The following C6 variants were observed in gnomAD, a reference collection of about 807,000 sequenced individuals.
The protein encoded by C6 is complement component C6.
In C6, 101 loss-of-function variants were observed where a neutral mutation model predicts 112.9. That is an observed-to-expected ratio of 0.89 (90% CI 0.76 to 1.06). The LOEUF is 1.06. Among genes scored for constraint, C6 ranks in the 50% least tolerant of loss-of-function variants. C6 has a pLI of 0.00. For synonymous variants in C6, 431 were observed against 384.1 expected (o/e 1.12, Z -1.43); for missense variants, 1,202 against 1,104.6 (o/e 1.09, Z -1.25).
chr5:41,195,370 A>G (rs554876033), intron 5 of C6, among the ~76,000 whole-genome samples: 1 of 152,146 alleles, frequency 6.6e-6, no homozygotes, highest in Admixed American at 6.6e-5. Context: ...CCATAGGCAT[A>G]CTTTTATCAC....
intron 1 of C6, among the ~76,000 whole-genome samples, chr5:41,242,183 A>G (rs962398943): frequency 1.3e-5 from 2 of 152,144 alleles, no homozygotes; most frequent in Non-Finnish European, 2.9e-5. Context: ...AATTGTAATC[A>G]CCATAATCCC....
intron 17 of C6, among the ~76,000 whole-genome samples, chr5:41,148,176 T>G (rs1161680119): frequency 1.3e-5 from 2 of 152,192 alleles, no homozygotes; most frequent in African/African-American, 4.8e-5. Flanking sequence ...GCACTATTTA[T>G]GATAGCAAAA....
chr5:41,167,395 C>T lies in C6; in HGVS notation c.1291+4830G>A, dbSNP rs1748074028. ...AAAAAATGTATACAACAGCCATTTT[C>T]CTTCTCAAAAGTAGGAAAGATTTTG... On this transcript the variant is annotated intron_variant, in intron 9 of 17. Coordinates refer to ENST00000337836, the MANE Select transcript of C6 (RefSeq NM_000065.5). 3.3e-5 allele frequency among the ~76,000 whole-genome samples: 5 copies of T among 152,036 alleles called. No homozygotes were observed. In the South Asian group the frequency reaches 8.3e-4, roughly 25 times the overall value.
rs1749735632 is a variant in C6 at position 41,186,010 on chromosome 5, A to C, written c.726+60T>G. The C allele has an allele frequency of 1.9e-6, 3 of 1,599,110 alleles. No homozygotes were observed. The African/African-American group carries it at 4.0e-5, about 21-fold the overall frequency. ...CTTCATTCATCACTAATTTTGCATG[A>C]GAAATTTAGCTTATAATCACTGACG... is the stretch of plus-strand genomic sequence containing the variant. On this transcript the variant is annotated intron_variant, in intron 6 of 17. Coordinates refer to ENST00000337836, the MANE Select transcript of C6 (RefSeq NM_000065.5).
At chr5:41,209,651 A>C (rs1324373958) in intron 1 of C6, among the ~76,000 whole-genome samples, 3 of 152,156 alleles carry the variant, frequency 2.0e-5, no homozygotes, top group African/African-American at 7.2e-5. Flanking sequence ...TAGGAATCCA[A>C]CTTACAAGGG....
At chr5:41,247,532 A>G (rs1026430295) in intron 1 of C6, among the ~76,000 whole-genome samples, 1 of 152,110 alleles carries the variant, frequency 6.6e-6, no homozygotes, top group Non-Finnish European at 1.5e-5. Context: ...CCTGGCTGAC[A>G]TGGTGAAACC....
intron 1 of C6, among the ~76,000 whole-genome samples, chr5:41,226,589 A>G (rs1432144936): frequency 6.6e-6 from 1 of 152,118 alleles, no homozygotes; most frequent in Non-Finnish European, 1.5e-5. Flanking sequence ...TGTCTCATGA[A>G]CAACATCTCC....
intron 1 of C6, among the ~76,000 whole-genome samples, chr5:41,229,491 C>A (rs182993046): frequency 6.6e-6 from 1 of 151,908 alleles, no homozygotes; most frequent in Admixed American, 6.6e-5. Context: ...TTCAAATTTT[C>A]CTCCTGTTAT....
intron 1 of C6, among the ~76,000 whole-genome samples, chr5:41,219,814 T>G (rs1739052964): frequency 6.6e-6 from 1 of 152,108 alleles, no homozygotes; most frequent in South Asian, 2.1e-4. Flanking sequence ...AAATATCAAT[T>G]TTTAAAAGTT....
intron 1 of C6, among the ~76,000 whole-genome samples, chr5:41,256,431 AAAAAAAAAAAGT>A: frequency 8.6e-6 from 1 of 116,252 alleles, no homozygotes; most frequent in Non-Finnish European, 1.7e-5. Flanking sequence ...AGTATAATTA[AAAAAAAAAAAGT>A]AAAAAAAAAA....
At chr5:41,150,323 A>G (rs1385050708) in intron 15 of C6, among the ~76,000 whole-genome samples, 1 of 152,190 alleles carries the variant, frequency 6.6e-6, no homozygotes, top group African/African-American at 2.4e-5. Flanking sequence ...AGTATACATG[A>G]TATTCTCATC....
chr5:41,189,919 T>C (rs1457313196), intron 5 of C6, among the ~76,000 whole-genome samples: 2 of 152,180 alleles, frequency 1.3e-5, no homozygotes, highest in East Asian at 1.9e-4. Flanking sequence ...GGATCATCCA[T>C]GTTTCTCCAG....
At chr5:41,175,247 A>T (rs1435584043) in intron 8 of C6, among the ~76,000 whole-genome samples, 1 of 152,208 alleles carries the variant, frequency 6.6e-6, no homozygotes, top group Non-Finnish European at 1.5e-5. Context: ...GAAGTGACAG[A>T]TGTCACAGCT....
chr5:41,157,021 G>T (rs977815379), intron 13 of C6, among the ~76,000 whole-genome samples: 38 of 152,070 alleles, frequency 2.5e-4, no homozygotes, highest in Admixed American at 7.2e-4. Flanking sequence ...TAACATCATT[G>T]CTCTAGCCTG....
chr5:41,194,471 G>A (rs2150351837), intron 5 of C6, among the ~76,000 whole-genome samples: 2 of 152,146 alleles, frequency 1.3e-5, no homozygotes, highest in Non-Finnish European at 2.9e-5. Context: ...GGTGTCCTCG[G>A]GTTTGGTTCA....
Position 41,142,695 on chromosome 5 carries a change from A to T in C6, c.*130T>A, listed in dbSNP as rs1054225600. On this transcript the variant is annotated 3_prime_UTR_variant, in exon 18 of 18. Coordinates refer to ENST00000337836, the MANE Select transcript of C6 (RefSeq NM_000065.5). ...CAGGGGAGAATAATGATCTCAAACT[A>T]ACAGAAAATAATTTTTGTCAGTAAC... 2.6e-6 allele frequency: 2 copies of T among 761,892 alleles called. No homozygotes were observed. The highest frequency in any genetic ancestry group is 3.4e-5 in the African/African-American group (2 of 58,240). The allele number at this position is 761,892 out of a possible 1,614,324, so 47.2% of individuals were successfully genotyped here.
intron 7 of C6, among the ~76,000 whole-genome samples, chr5:41,178,632 C>T (rs944508483): frequency 2.0e-5 from 3 of 151,316 alleles, no homozygotes; most frequent in South Asian, 2.1e-4. Flanking sequence ...CCCGCCACCA[C>T]GTCTGGCAAA....
In C6 at chr5:41,172,191, C is replaced by T. The variant is rs767705844; in HGVS notation, c.1291+34G>A. 1.0e-4 allele frequency: 164 copies of T among 1,611,534 alleles called. 1 individual carries two copies. The Admixed American group carries it at 2.7e-3, about 26-fold the overall frequency. ...GTAAATGACAGCCAGGCTCAGGGCACACTGGATAAGCTGCTAAGAGAGAGT... is the reference window on the plus strand; with the variant it reads ...GTAAATGACAGCCAGGCTCAGGGCATACTGGATAAGCTGCTAAGAGAGAGT... On this transcript the variant is annotated intron_variant, in intron 9 of 17. Transcript: ENST00000337836.
chr5:41,149,019 T>C (rs552293298), intron 17 of C6, among the ~76,000 whole-genome samples: 28 of 152,160 alleles, frequency 1.8e-4, no homozygotes, highest in Non-Finnish European at 3.4e-4. Flanking sequence ...TACATATGCA[T>C]AGAGAAAAGA....
Sources: allele counts gnomAD v4.1 joint callset (sites outside exome capture counted in the v4.1 genomes callset), GRCh38; gene constraint gnomAD v4.1.1; transcripts MANE v1.5; gene names NCBI Gene and HGNC (gene_info 2026-07-23, HGNC 2026-07-21).